The following GPR161 variants were observed in gnomAD, a reference collection of about 807,000 sequenced individuals.
GPR161 encodes the protein G protein-coupled receptor 161, also known as G-protein coupled receptor RE2.
Under a neutral mutation model 39.2 loss-of-function variants are expected in GPR161, and 25 were observed. The ratio of observed to expected loss-of-function variants is 0.64; its 90% CI spans 0.47 to 0.89. The LOEUF is 0.89. GPR161 is among the 40% of genes least tolerant of loss of function. The pLI is 0.00. For missense variants in GPR161, 547 were observed against 677.8 expected, an observed-to-expected ratio of 0.81 and a Z score of 2.14; for synonymous variants, 286 against 276.6, an observed-to-expected ratio of 1.03 and a Z score of -0.34.
At chr1:168,108,483 T>C (rs978284648) in intron 1 of GPR161, among the ~76,000 whole-genome samples, 1 of 2,442 alleles carries the variant, frequency 4.1e-4, no homozygotes, top group Non-Finnish European at 6.8e-4. Flanking sequence ...GAGGCCCTAG[T>C]TGTAAAAAAA....
intron 1 of GPR161, among the ~76,000 whole-genome samples, chr1:168,106,781 T>A (rs1696661123): frequency 6.6e-6 from 1 of 152,254 alleles, no homozygotes; most frequent in African/African-American, 2.4e-5. Flanking sequence ...TTGGCCCATA[T>A]TTCCAGGCTG....
At chr1:168,104,337 G>C (rs1696384971) in intron 2 of GPR161, 140 bp downstream of exon 2, 3 of 641,340 alleles carry the variant, frequency 4.7e-6, no homozygotes, top group Non-Finnish European at 8.3e-6. Context: ...GATGGCTCCA[G>C]AGGCAGAACT....
chr1:168,119,340 A>G (rs1424776429), intron 1 of GPR161, among the ~76,000 whole-genome samples: 1 of 149,288 alleles, frequency 6.7e-6, no homozygotes, highest in Non-Finnish European at 1.5e-5. Context: ...AAAGGAAGGA[A>G]ATTCTGACAT....
At chr1:168,091,215 C>T (rs1389990908) in intron 3 of GPR161, among the ~76,000 whole-genome samples, 1 of 151,438 alleles carries the variant, frequency 6.6e-6, no homozygotes, top group African/African-American at 2.4e-5. Flanking sequence ...AACTCAGGAA[C>T]GGGGTTGGGG....
intron 1 of GPR161, among the ~76,000 whole-genome samples, chr1:168,108,668 C>T (rs559621093): frequency 1.3e-5 from 2 of 151,238 alleles, no homozygotes; most frequent in South Asian, 2.1e-4. Flanking sequence ...GATTTCTGAA[C>T]CATGTAAATA....
At position 168,112,581 on chromosome 1, in the gene GPR161, G is replaced by A. The variant is rs555412301; in HGVS notation, c.-44-7687C>T. Among the ~76,000 whole-genome samples, 8 of 152,064 alleles carry A rather than the reference G, an allele frequency of 5.3e-5. No homozygotes were observed. In the East Asian group the frequency reaches 1.5e-3, roughly 29 times the overall value. On this transcript the variant is annotated intron_variant, in intron 1 of 5. Transcript: ENST00000682931. ...ACAATAAAAAATAAAATTTAGGCCT[G>A]GCGCAGTGGCTCATGCCTGTAATTC...
At chr1:168,113,950 C>G (rs1190798317) in intron 1 of GPR161, among the ~76,000 whole-genome samples, 2 of 152,060 alleles carry the variant, frequency 1.3e-5, no homozygotes, top group Admixed American at 1.3e-4. Context: ...ATATAACAAA[C>G]CTGCACATGT....
rs1313058850 is a variant in GPR161 at position 168,097,040 on chromosome 1, C to T, written c.567G>A (p.Thr189=). 14 of 1,613,974 alleles carry T rather than the reference C, an allele frequency of 8.7e-6. No individual in the cohort carries two copies. Among genetic ancestry groups the T allele is most frequent in the East Asian group, 4.5e-5 (2 of 44,882 alleles). The change falls in exon 3 of 6, where the codon ACG becomes ACA. Residue 189 remains threonine (T), a synonymous_variant. Coordinates refer to ENST00000682931, the MANE Select transcript of GPR161 (RefSeq NM_001375883.1). ...GGGCACACCAGATCTGCCAGAAGGC[C>T]GTGTAGCCAGGCTCCCGGTGCCAAG... ...VAAWHREPGY[T]AFWQIWCALF...
At chr1:168,103,865 T>C (rs527792996) in intron 2 of GPR161, among the ~76,000 whole-genome samples, 2 of 152,240 alleles carry the variant, frequency 1.3e-5, no homozygotes, top group African/African-American at 4.8e-5. Context: ...TCTGACAGCA[T>C]AATGCGGGAC....
rs1269830531 is a variant in GPR161 at position 168,131,863 on chromosome 1, T to C, written c.-45+4876A>G. Among the ~76,000 whole-genome samples the C allele has an allele frequency of 1.3e-5, 2 of 152,188 alleles. 1 individual carries two copies. The highest frequency in any genetic ancestry group is 2.9e-5 in the Non-Finnish European group (2 of 67,992). Reference sequence around the variant, plus strand: ...AAAAGAGCCTCACAAATTGATGAAATTACAAACAACTCAGTTAAAAAAATT... The same window carrying C: ...AAAAGAGCCTCACAAATTGATGAAACTACAAACAACTCAGTTAAAAAAATT... On this transcript the variant is annotated intron_variant, in intron 1 of 5. Coordinates refer to ENST00000682931, the MANE Select transcript of GPR161 (RefSeq NM_001375883.1).
chr1:168,124,171 C>G (rs1474687852), intron 1 of GPR161, among the ~76,000 whole-genome samples: 1 of 152,206 alleles, frequency 6.6e-6, no homozygotes, highest in Non-Finnish European at 1.5e-5. Flanking sequence ...GCAAACACTG[C>G]TGCAACCCTA....
chr1:168,126,423 A>T (rs577402954), intron 1 of GPR161, among the ~76,000 whole-genome samples: 2 of 152,222 alleles, frequency 1.3e-5, no homozygotes, highest in Admixed American at 1.3e-4. Context: ...GTCCTTTCAG[A>T]CATTCATGTC....
At chr1:168,125,669 G>A (rs1176058238) in intron 1 of GPR161, among the ~76,000 whole-genome samples, 1 of 149,864 alleles carries the variant, frequency 6.7e-6, no homozygotes, top group African/African-American at 2.5e-5. Context: ...CCAGGCTGGA[G>A]TACAATGGTG....
intron 1 of GPR161, among the ~76,000 whole-genome samples, chr1:168,106,822 G>GT (rs1362127111): frequency 1.3e-5 from 2 of 152,142 alleles, no homozygotes; most frequent in Non-Finnish European, 1.5e-5. Flanking sequence ...ATTCAGTTAT[G>GT]TAACATATTA....
rs143152608 is a variant in GPR161 at position 168,092,088 on chromosome 1, C to T, written c.1100-1420G>A. 3.4e-4 allele frequency among the ~76,000 whole-genome samples: 52 copies of T among 152,306 alleles called. No individual in the cohort carries two copies. In the East Asian group the frequency reaches 6.2e-3, roughly 18 times the overall value. ...CAGGCTTCTCTCAGAACTTCCCTCT[C>T]GCTGCTTTTGGGAATCCTGCTTTTG... On this transcript the variant is annotated intron_variant, in intron 3 of 5. Transcript: ENST00000682931.
intron 1 of GPR161, among the ~76,000 whole-genome samples, chr1:168,119,734 G>A (rs932226725): frequency 6.6e-6 from 1 of 152,208 alleles, no homozygotes; most frequent in Non-Finnish European, 1.5e-5. Flanking sequence ...GCTGGGAGGT[G>A]ATCAGATCAT....
At chr1:168,122,089 C>T (rs1698223462) in intron 1 of GPR161, among the ~76,000 whole-genome samples, 1 of 152,212 alleles carries the variant, frequency 6.6e-6, no homozygotes, top group African/African-American at 2.4e-5. Flanking sequence ...AAAATCTCCA[C>T]CTGCATGTCA....
At chr1:168,095,856 C>T (rs1695471840) in intron 3 of GPR161, among the ~76,000 whole-genome samples, 1 of 152,132 alleles carries the variant, frequency 6.6e-6, no homozygotes, top group African/African-American at 2.4e-5. Flanking sequence ...TACTCCAGGC[C>T]TGGCATGGTG....
At chr1:168,110,463 C>A (rs1332327919) in intron 1 of GPR161, among the ~76,000 whole-genome samples, 1 of 143,944 alleles carries the variant, frequency 6.9e-6, no homozygotes, top group Non-Finnish European at 1.5e-5. Context: ...CACACCACTG[C>A]ACTCCAGCCT....
Sources: gnomAD v4.1 joint callset for allele counts (sites outside exome capture counted in the v4.1 genomes callset) on GRCh38, gnomAD v4.1.1 for gene constraint, MANE v1.5 for transcripts, NCBI Gene and HGNC (gene_info 2026-07-23, HGNC 2026-07-21) for gene names.